The following DPP10 variants were observed in gnomAD, a reference collection of about 807,000 sequenced individuals.
DPP10 encodes dipeptidyl peptidase like 10.
DPP10 carries 33 observed loss-of-function variants against 120.9 expected under a neutral mutation model. The observed-to-expected ratio is 0.27, with a 90% CI of 0.21 to 0.37. The LOEUF is 0.37. Ranked by LOEUF, DPP10 falls within the 10% of genes least tolerant of loss-of-function variation. The pLI is 1.00. For missense variants in DPP10, 816 were observed against 942.8 expected (o/e 0.87, Z 1.76); for synonymous variants, 337 against 326.1 (o/e 1.03, Z -0.36).
rs1215783955 is a variant in DPP10 at position 115,254,990 on chromosome 2, C to T, written c.61-54249C>T. 5.3e-5 allele frequency among the ~76,000 whole-genome samples: 8 copies of T among 152,134 alleles called. No individual in the cohort carries two copies. The South Asian group carries it at 6.2e-4, about 12-fold the overall frequency. On this transcript the variant is annotated intron_variant, in intron 1 of 25. Coordinates refer to ENST00000410059, the MANE Select transcript of DPP10 (RefSeq NM_020868.6). Reference sequence around the variant, plus strand: ...GCCATTCTGGGATCTGGAGGACAGTCGTCCTCTTCTCACAGCTCCACTAGA... The same window carrying T: ...GCCATTCTGGGATCTGGAGGACAGTTGTCCTCTTCTCACAGCTCCACTAGA...
At chr2:115,372,056 A>C (rs2065446220) in intron 3 of DPP10, among the ~76,000 whole-genome samples, 1 of 152,232 alleles carries the variant, frequency 6.6e-6, no homozygotes, top group Non-Finnish European at 1.5e-5. Flanking sequence ...CAAGTCTTAA[A>C]GTTTTCTTAA....
chr2:115,353,922 AAC>A (rs1335340782), intron 3 of DPP10, among the ~76,000 whole-genome samples: 28 of 152,170 alleles, frequency 1.8e-4, no homozygotes, highest in African/African-American at 5.3e-4. Context: ...TAATTTTTAA[AAC>A]ACATAGATTT....
chr2:115,230,779 C>T (rs1042449887), intron 1 of DPP10, among the ~76,000 whole-genome samples: 4 of 151,874 alleles, frequency 2.6e-5, no homozygotes, highest in Admixed American at 6.6e-5. Context: ...ACAACAGACA[C>T]GTATAAGGAA....
At chr2:115,336,602 T>A (rs944902190) in intron 2 of DPP10, among the ~76,000 whole-genome samples, 9 of 89,412 alleles carry the variant, frequency 1.0e-4, no homozygotes, top group Middle Eastern at 6.6e-3. Context: ...TCTCTCTCTA[T>A]ATATATATAT....
intron 1 of DPP10, among the ~76,000 whole-genome samples, chr2:114,792,717 T>A (rs916735120): frequency 6.6e-6 from 1 of 152,204 alleles, no homozygotes; most frequent in African/African-American, 2.4e-5. Context: ...CAGCCACCAA[T>A]AAAACACCTG....
At chr2:115,157,922 G>A (rs1259220625) in intron 1 of DPP10, among the ~76,000 whole-genome samples, 2 of 152,146 alleles carry the variant, frequency 1.3e-5, no homozygotes, top group African/African-American at 4.8e-5. Flanking sequence ...ACCTCAGGAA[G>A]GGGAGCAAAG....
intron 5 of DPP10, among the ~76,000 whole-genome samples, chr2:115,537,569 T>G (rs1268970539): frequency 1.3e-5 from 2 of 150,948 alleles, no homozygotes; most frequent in African/African-American, 2.4e-5. Flanking sequence ...CACTGTTTTT[T>G]TTTTTTTTTT....
At chr2:115,005,701 G>A (rs938086856) in intron 1 of DPP10, among the ~76,000 whole-genome samples, 2 of 152,054 alleles carry the variant, frequency 1.3e-5, no homozygotes, top group African/African-American at 2.4e-5. Context: ...AAGCCTCCAA[G>A]AAATATGGGA....
intron 1 of DPP10, among the ~76,000 whole-genome samples, chr2:114,662,710 T>C (rs1314524363): frequency 6.6e-6 from 1 of 152,042 alleles, no homozygotes; most frequent in African/African-American, 2.4e-5. Context: ...GAGGCCAAGG[T>C]CCAGCCTTTC....
intron 1 of DPP10, among the ~76,000 whole-genome samples, chr2:114,799,002 A>C (rs568518179): frequency 2.6e-5 from 4 of 152,118 alleles, no homozygotes; most frequent in African/African-American, 9.6e-5. Flanking sequence ...GGTGGTGCAC[A>C]CCTACAATCC....
chr2:115,003,044 A>G (rs546682919), intron 1 of DPP10, among the ~76,000 whole-genome samples: 1 of 152,136 alleles, frequency 6.6e-6, no homozygotes, highest in South Asian at 2.1e-4. Context: ...TTGTTTTATC[A>G]TAAAGGAACA....
intron 1 of DPP10, among the ~76,000 whole-genome samples, chr2:115,211,714 ATCATTAGTTG>A (rs2056527084): frequency 6.6e-5 from 10 of 152,158 alleles, no homozygotes; most frequent in Admixed American, 5.2e-4. Context: ...ACTTCAGTGC[ATCATTAGTTG>A]ACATGTTTTG....
intron 1 of DPP10, among the ~76,000 whole-genome samples, chr2:115,282,077 T>G (rs1201671745): frequency 6.6e-6 from 1 of 152,018 alleles, no homozygotes; most frequent in Non-Finnish European, 1.5e-5. Flanking sequence ...GTTTTGTACT[T>G]TTTCTCACGC....
chr2:114,533,818 T>G (rs1686257139), intron 1 of DPP10, among the ~76,000 whole-genome samples: 1 of 152,214 alleles, frequency 6.6e-6, no homozygotes, highest in South Asian at 2.1e-4. Flanking sequence ...AGAAACCTGA[T>G]GCCATCCCAA....
At chr2:114,825,788 A>G (rs1686480773) in intron 1 of DPP10, among the ~76,000 whole-genome samples, 1 of 152,230 alleles carries the variant, frequency 6.6e-6, no homozygotes, top group Non-Finnish European at 1.5e-5. Flanking sequence ...AGTGGCTAGT[A>G]TGAACAGTTT....
intron 1 of DPP10, among the ~76,000 whole-genome samples, chr2:114,845,133 C>T (rs1015268590): frequency 2.0e-5 from 3 of 152,180 alleles, no homozygotes; most frequent in African/African-American, 7.2e-5. Flanking sequence ...CCACATATGA[C>T]ATGGTCTCAA....
At chr2:115,081,650 A>G (rs551968788) in intron 1 of DPP10, among the ~76,000 whole-genome samples, 5 of 152,170 alleles carry the variant, frequency 3.3e-5, no homozygotes, top group Admixed American at 2.6e-4. Context: ...ACTTGTTCTC[A>G]TAGTCTAGCA....
At chr2:114,916,471 A>T (rs573229012) in intron 1 of DPP10, among the ~76,000 whole-genome samples, 1 of 152,332 alleles carries the variant, frequency 6.6e-6, no homozygotes, top group East Asian at 1.9e-4. Flanking sequence ...AACTCATTCT[A>T]TGAGGCCAGC....
At chr2:115,095,594 T>G (rs1228577937) in intron 1 of DPP10, among the ~76,000 whole-genome samples, 3 of 151,400 alleles carry the variant, frequency 2.0e-5, no homozygotes, top group Admixed American at 6.6e-5. Flanking sequence ...TGTTTTTTTT[T>G]TTTGATACGG....
Sources: allele counts gnomAD v4.1 joint callset (sites outside exome capture counted in the v4.1 genomes callset), GRCh38; gene constraint gnomAD v4.1.1; transcripts MANE v1.5; gene names NCBI Gene and HGNC (gene_info 2026-07-23, HGNC 2026-07-21).